The following DNAH7 variants were observed in gnomAD, a reference collection of about 807,000 sequenced individuals.
DNAH7 encodes axonemal beta dynein heavy chain 7.
Under a neutral mutation model 444.6 loss-of-function variants are expected in DNAH7, and 397 were observed. That is an observed-to-expected ratio of 0.89 (90% CI 0.82 to 0.97). The LOEUF (loss-of-function observed/expected upper bound fraction) is 0.97, where lower values mean the gene tolerates loss of function less well. Ranked by LOEUF, DNAH7 falls within the 50% of genes least tolerant of loss-of-function variation. The pLI is 0.00. For synonymous variants in DNAH7, 1,636 were observed against 1,624.4 expected, an observed-to-expected ratio of 1.01 and a Z score of -0.17; for missense variants, 4,902 against 4,800.8, an observed-to-expected ratio of 1.02 and a Z score of -0.62.
At chr2:196,043,426 A>G (rs1696899482) in intron 5 of DNAH7, among the ~76,000 whole-genome samples, 1 of 152,198 alleles carries the variant, frequency 6.6e-6, no homozygotes, top group South Asian at 2.1e-4. Context: ...AAGATGGATC[A>G]AAGACTTAAA....
At chr2:195,876,435 C>A in intron 37 of DNAH7, 109 bp downstream of exon 37, 4 of 1,095,110 alleles carry the variant, frequency 3.7e-6, no homozygotes, top group Non-Finnish European at 5.3e-6. Context: ...AAATTTGTGA[C>A]ATTAAAAAAC....
At chr2:195,767,654 A>C (rs1344135960) in intron 61 of DNAH7, among the ~76,000 whole-genome samples, 1 of 152,032 alleles carries the variant, frequency 6.6e-6, no homozygotes, top group Non-Finnish European at 1.5e-5. Flanking sequence ...TTAAGACTAT[A>C]AATTTTCTTG....
chr2:195,987,261 A>C, intron 13 of DNAH7, 68 bp from the exon 14 acceptor site: 1 of 1,247,016 alleles, frequency 8.0e-7, no homozygotes, highest in Non-Finnish European at 1.1e-6. Context: ...CAATTTTGCC[A>C]TTCTCATAAT....
chr2:195,951,018 T>C (rs1184191356), intron 19 of DNAH7, among the ~76,000 whole-genome samples: 2 of 152,076 alleles, frequency 1.3e-5, no homozygotes, highest in African/African-American at 4.8e-5. Context: ...GTTCTTTAAA[T>C]TGTGATGTTA....
intron 5 of DNAH7, 34 bp downstream of exon 5, chr2:196,047,318 G>A (rs556212087): frequency 1.3e-6 from 2 of 1,499,754 alleles, no homozygotes; most frequent in African/African-American, 2.8e-5. Context: ...GCTCTAACAT[G>A]GGTAACACGT....
chr2:195,954,697 CT>C (rs1484421357), intron 19 of DNAH7, among the ~76,000 whole-genome samples: 1 of 152,126 alleles, frequency 6.6e-6, no homozygotes, highest in African/African-American at 2.4e-5. Context: ...CTGTTGTTTC[CT>C]GACTTTTTAA....
chr2:195,986,194 G>A (rs982257507), intron 14 of DNAH7, among the ~76,000 whole-genome samples: 1 of 152,076 alleles, frequency 6.6e-6, no homozygotes, highest in African/African-American at 2.4e-5. Flanking sequence ...CTACCTTGTG[G>A]CTCATTACAG....
intron 31 of DNAH7, among the ~76,000 whole-genome samples, chr2:195,890,625 G>A (rs1410198534): frequency 6.6e-6 from 1 of 152,084 alleles, no homozygotes; most frequent in East Asian, 1.9e-4. Context: ...CCACATCAAG[G>A]GTTCCAGAGC....
intron 9 of DNAH7, among the ~76,000 whole-genome samples, chr2:196,018,494 T>C (rs13387952): frequency 0.036 from 5,444 of 152,198 alleles, 316 homozygotes; most frequent in African/African-American, 0.12. Flanking sequence ...GCATTATTCA[T>C]AGTATCAGAA....
At chr2:195,954,080 G>A (rs1690457525) in intron 19 of DNAH7, among the ~76,000 whole-genome samples, 1 of 152,064 alleles carries the variant, frequency 6.6e-6, no homozygotes, top group Non-Finnish European at 1.5e-5. Context: ...ACAACATGCA[G>A]GTTTGTTACA....
chr2:195,971,494 G>C (rs1691838322), intron 16 of DNAH7, among the ~76,000 whole-genome samples: 1 of 152,210 alleles, frequency 6.6e-6, no homozygotes, highest in Admixed American at 6.5e-5. Context: ...TGTGGTCAAA[G>C]TGAGAGCACA....
intron 17 of DNAH7, among the ~76,000 whole-genome samples, chr2:195,966,634 G>T (rs1332893693): frequency 6.6e-6 from 1 of 152,070 alleles, no homozygotes; most frequent in African/African-American, 2.4e-5. Context: ...GCACTCCAGT[G>T]TTTGTTGCAT....
chr2:195,938,381 C>A (rs1689199124), intron 19 of DNAH7, among the ~76,000 whole-genome samples: 1 of 150,382 alleles, frequency 6.6e-6, no homozygotes. Flanking sequence ...CACACACACA[C>A]AAACACACAC....
At position 196,068,828 on chromosome 2, in the gene DNAH7, A is replaced by G. The variant is rs896419982; in HGVS notation, c.-117T>C. 9 of 1,323,684 alleles carry G rather than the reference A, an allele frequency of 6.8e-6. No individual in the cohort carries two copies. Among genetic ancestry groups the G allele is most frequent in the Non-Finnish European group, 8.3e-6 (8 of 969,550 alleles). The allele number at this position is 1,323,684 out of a possible 1,614,324, so 82.0% of individuals were successfully genotyped here. On this transcript the variant is annotated 5_prime_UTR_variant, in exon 1 of 65. Transcript: ENST00000312428. ...CAGCGGTCTCAGCTCCCTCCGCACCAGAGCCGTCTAGCGTCCGGGCAGCGT... is the reference window on the plus strand; with the variant it reads ...CAGCGGTCTCAGCTCCCTCCGCACCGGAGCCGTCTAGCGTCCGGGCAGCGT...
Position 195,910,457 on chromosome 2 carries a change from A to G in DNAH7, c.3936-262T>C, listed in dbSNP as rs528657319. ...TAATGTTGATTTCTGGCCAATATGA[A>G]GAATTCAGTTGACTTTGAATCCCCT... On this transcript the variant is annotated intron_variant, in intron 24 of 64. Coordinates refer to ENST00000312428, the MANE Select transcript of DNAH7 (RefSeq NM_018897.3). 1.4e-3 allele frequency among the ~76,000 whole-genome samples: 213 copies of G among 152,334 alleles called. 1 individual carries two copies. Among genetic ancestry groups the G allele is most frequent in the African/African-American group, 5.1e-3 (210 of 41,576 alleles).
At chr2:195,888,121 T>C in intron 33 of DNAH7, 137 bp downstream of exon 33, 1 of 719,338 alleles carries the variant, frequency 1.4e-6, no homozygotes, top group Non-Finnish European at 2.2e-6. Context: ...AATTCTAATC[T>C]AAATTTTTAA....
At chr2:195,799,707 CT>C (rs1298512273) in intron 54 of DNAH7, among the ~76,000 whole-genome samples, 1 of 151,972 alleles carries the variant, frequency 6.6e-6, no homozygotes, top group Non-Finnish European at 1.5e-5. Context: ...CATTCAAAGA[CT>C]TTTTTTGTCC....
intron 33 of DNAH7, 47 bp from the exon 34 acceptor site, chr2:195,886,319 T>C (rs1366273890): frequency 1.3e-6 from 2 of 1,525,764 alleles, no homozygotes; most frequent in African/African-American, 2.8e-5. Flanking sequence ...AATTAGGTAA[T>C]AGCTAAAATA....
At chr2:195,994,326 T>C in intron 12 of DNAH7, 1 of 569,314 alleles carries the variant, frequency 1.8e-6, no homozygotes, top group Non-Finnish European at 3.0e-6. Context: ...GCCTTCCTCC[T>C]CCCCAAGGCT....
Sources: gnomAD v4.1 joint callset for allele counts (sites outside exome capture counted in the v4.1 genomes callset) on GRCh38, gnomAD v4.1.1 for gene constraint, MANE v1.5 for transcripts, NCBI Gene and HGNC (gene_info 2026-07-23, HGNC 2026-07-21) for gene names.